The following FHOD3 variants were observed in gnomAD, a reference collection of about 807,000 sequenced individuals.
The protein encoded by FHOD3 is FH1/FH2 domain-containing protein 3.
In FHOD3, 90 loss-of-function variants were observed where a neutral mutation model predicts 173.0. That is an observed-to-expected ratio of 0.52 (90% confidence interval 0.44 to 0.62). The LOEUF (loss-of-function observed/expected upper bound fraction) is 0.62. FHOD3 is among the 20% of genes least tolerant of loss of function. The pLI is 0.00. For synonymous variants in FHOD3, 828 were observed against 823.0 expected, an observed-to-expected ratio of 1.01 and a Z score of -0.10; for missense variants, 1,945 against 2,034.7, an observed-to-expected ratio of 0.96 and a Z score of 0.85.
chr18:36,658,044 T>TC, intron 13 of FHOD3, 31 bp from the exon 14 acceptor site: 1 of 1,484,024 alleles, frequency 6.7e-7, no homozygotes, highest in Admixed American at 1.7e-5. Context: ...TCTATCCTTT[T>TC]CCCCCCAACT....
chr18:36,320,472 T>C (rs899615813), intron 1 of FHOD3, among the ~76,000 whole-genome samples: 2 of 152,218 alleles, frequency 1.3e-5, no homozygotes, highest in Admixed American at 6.5e-5. Flanking sequence ...TAACAGGCTC[T>C]GAAATTGAGG....
chr18:36,751,779 C>T (rs922633839), intron 24 of FHOD3, among the ~76,000 whole-genome samples: 1 of 152,058 alleles, frequency 6.6e-6, no homozygotes, highest in Non-Finnish European at 1.5e-5. Flanking sequence ...TTAACCTTTC[C>T]TTTTATCCTT....
At chr18:36,717,376 G>C (rs1462307306) in intron 18 of FHOD3, among the ~76,000 whole-genome samples, 1 of 152,140 alleles carries the variant, frequency 6.6e-6, no homozygotes, top group East Asian at 1.9e-4. Flanking sequence ...GTGTTTTTGA[G>C]GCACTTTGAG....
chr18:36,593,343 C>T (rs934203889), intron 6 of FHOD3, among the ~76,000 whole-genome samples: 8 of 152,228 alleles, frequency 5.3e-5, no homozygotes, highest in African/African-American at 1.9e-4. Flanking sequence ...TATAGGGGAG[C>T]TGAGCACCTG....
chr18:36,336,130 T>G (rs779779867), intron 1 of FHOD3, among the ~76,000 whole-genome samples: 19 of 152,168 alleles, frequency 1.2e-4, no homozygotes, highest in Non-Finnish European at 2.5e-4. Flanking sequence ...CGTAAGAAAC[T>G]GCATGTTTAG....
At chr18:36,713,909 C>T (rs1205694040) in intron 18 of FHOD3, among the ~76,000 whole-genome samples, 1 of 152,036 alleles carries the variant, frequency 6.6e-6, no homozygotes, top group Non-Finnish European at 1.5e-5. Flanking sequence ...TCAGTAATTC[C>T]TTTAAATTAA....
intron 5 of FHOD3, among the ~76,000 whole-genome samples, chr18:36,520,557 T>A (rs544938542): frequency 1.3e-5 from 2 of 152,314 alleles, no homozygotes; most frequent in Middle Eastern, 6.8e-3. Flanking sequence ...TTCTTAAAGT[T>A]CATCCTGCAT....
At chr18:36,594,148 G>T (rs1233042121) in intron 6 of FHOD3, among the ~76,000 whole-genome samples, 1 of 152,286 alleles carries the variant, frequency 6.6e-6, no homozygotes, top group Middle Eastern at 3.4e-3. Context: ...TGAATAACCT[G>T]TGACCTCCCC....
At chr18:36,609,864 A>G (rs1020861600) in intron 8 of FHOD3, among the ~76,000 whole-genome samples, 3 of 151,488 alleles carry the variant, frequency 2.0e-5, no homozygotes, top group Non-Finnish European at 2.9e-5. Context: ...ACCTGCCTCA[A>G]CCCCCCAAAA....
At chr18:36,365,466 A>G (rs1032378604) in intron 2 of FHOD3, among the ~76,000 whole-genome samples, 1 of 152,184 alleles carries the variant, frequency 6.6e-6, no homozygotes, top group Non-Finnish European at 1.5e-5. Flanking sequence ...GCCAGAAAAG[A>G]CACATCTCTA....
intron 14 of FHOD3, among the ~76,000 whole-genome samples, chr18:36,668,896 C>G (rs957095456): frequency 2.0e-5 from 3 of 151,718 alleles, no homozygotes; most frequent in Non-Finnish European, 2.9e-5. Context: ...GTTTTACAGC[C>G]CAGAATAGGA....
chr18:36,482,847 T>TCA lies in FHOD3; in HGVS notation c.338-19074_338-19073dup, dbSNP rs1288500945. Among the ~76,000 whole-genome samples, 12 of 114,792 alleles carry TCA rather than the reference T, an allele frequency of 1.0e-4. No individual in the cohort carries two copies. In the South Asian group the frequency reaches 1.1e-3, roughly 11 times the overall value. 75.3% of individuals were successfully genotyped at this position (114,792 alleles called of 152,430 possible). A position where few individuals can be genotyped will look rare whatever the true frequency, so the allele number is the denominator to read the frequency against. ...AACACACACACACACACACACACAC[T>TCA]CACACACACACAGAGAGAGAGAGAG... On this transcript the variant is annotated intron_variant, in intron 3 of 28. Coordinates refer to ENST00000590592, the MANE Select transcript of FHOD3 (RefSeq NM_001281740.3).
chr18:36,749,856 C>A (rs143888094), intron 24 of FHOD3, among the ~76,000 whole-genome samples: 1 of 152,156 alleles, frequency 6.6e-6, no homozygotes, highest in Non-Finnish European at 1.5e-5. Context: ...TATTTTTTGA[C>A]TTTTTAATTA....
intron 3 of FHOD3, among the ~76,000 whole-genome samples, chr18:36,499,355 C>T (rs573235245): frequency 2.0e-5 from 3 of 152,260 alleles, no homozygotes; most frequent in Non-Finnish European, 2.9e-5. Context: ...CCGCCTGCCT[C>T]GGCCTCCCAA....
At chr18:36,420,813 GA>G (rs2049947319) in intron 3 of FHOD3, among the ~76,000 whole-genome samples, 1 of 152,194 alleles carries the variant, frequency 6.6e-6, no homozygotes, top group Non-Finnish European at 1.5e-5. Flanking sequence ...GACCATGGGG[GA>G]CTGTCTGGTG....
chr18:36,422,418 C>T lies in FHOD3; in HGVS notation c.337+49674C>T, dbSNP rs560163882. ...TAGTTAGTCTGCTGTCTATTCTTGG[C>T]CATGGTAAACAATGCTGCAGTGAAT... On this transcript the variant is annotated intron_variant, in intron 3 of 28. Transcript: ENST00000590592. Among the ~76,000 whole-genome samples the T allele has an allele frequency of 7.9e-5, 12 of 152,224 alleles. No homozygotes were observed. The East Asian group carries it at 2.3e-3, about 29-fold the overall frequency.
intron 20 of FHOD3, among the ~76,000 whole-genome samples, chr18:36,732,278 A>G (rs370901716): frequency 5.9e-5 from 9 of 152,320 alleles, no homozygotes; most frequent in African/African-American, 1.7e-4. Context: ...TCCAGATTCT[A>G]GAACTGTGGG....
chr18:36,458,340 G>GC (rs1317818705), intron 3 of FHOD3, among the ~76,000 whole-genome samples: 1 of 152,100 alleles, frequency 6.6e-6, no homozygotes, highest in African/African-American at 2.4e-5. Context: ...TGTCTCCCTT[G>GC]CCCCCTTTGT....
intron 26 of FHOD3, 98 bp from the exon 27 acceptor site, chr18:36,760,510 C>G: frequency 8.5e-7 from 1 of 1,171,462 alleles, no homozygotes; most frequent in Non-Finnish European, 1.2e-6. Context: ...CAAAACAAGA[C>G]AGAGGAGAGG....
Sources: allele counts gnomAD v4.1 joint callset (sites outside exome capture counted in the v4.1 genomes callset), GRCh38; gene constraint gnomAD v4.1.1; transcripts MANE v1.5; gene names NCBI Gene and HGNC (gene_info 2026-07-23, HGNC 2026-07-21).